SPAG9: variants seen among roughly 807,000 people sequenced by gnomAD.
SPAG9 encodes C-Jun-amino-terminal kinase-interacting protein 4.
In SPAG9, 35 loss-of-function variants were observed where a neutral mutation model predicts 166.5. The observed-to-expected ratio is 0.21, with a 90% CI of 0.16 to 0.28. The LOEUF (loss-of-function observed/expected upper bound fraction) is 0.28. SPAG9 is among the 10% of genes least tolerant of loss of function. The pLI is 1.00. For synonymous variants in SPAG9, 534 were observed against 565.5 expected (o/e 0.94, Z 0.79); for missense variants, 1,235 against 1,603.3 (o/e 0.77, Z 3.92).
At chr17:51,106,472 C>T (rs2048954296) in intron 1 of SPAG9, among the ~76,000 whole-genome samples, 1 of 152,102 alleles carries the variant, frequency 6.6e-6, no homozygotes, top group Non-Finnish European at 1.5e-5. Flanking sequence ...TTGTCTGTTT[C>T]ATTAGTGGCT....
At chr17:51,053,853 A>ATATATAT (rs2047260847) in intron 3 of SPAG9, among the ~76,000 whole-genome samples, 5 of 56,148 alleles carry the variant, frequency 8.9e-5, no homozygotes, top group East Asian at 4.9e-4. Flanking sequence ...AAAAAAAAAA[A>ATATATAT]AGTATATATA....
At chr17:51,019,482 G>T (rs1445491585) in intron 8 of SPAG9, among the ~76,000 whole-genome samples, 1 of 152,164 alleles carries the variant, frequency 6.6e-6, no homozygotes, top group Admixed American at 6.5e-5. Flanking sequence ...ACCTGACCCT[G>T]GGAGGCAGAG....
At chr17:50,971,084 G>A (rs1394135664) in intron 28 of SPAG9, among the ~76,000 whole-genome samples, 1 of 152,086 alleles carries the variant, frequency 6.6e-6, no homozygotes, top group Non-Finnish European at 1.5e-5. Context: ...AGGCCGAAGT[G>A]GGAGAATCAC....
chr17:51,081,525 C>T (rs1218250630), intron 1 of SPAG9, among the ~76,000 whole-genome samples: 1 of 151,972 alleles, frequency 6.6e-6, no homozygotes, highest in Non-Finnish European at 1.5e-5. Context: ...GAGCAGATCA[C>T]CTGAGGTCAG....
chr17:51,005,571 C>T (rs2045176404), intron 11 of SPAG9, among the ~76,000 whole-genome samples: 1 of 152,248 alleles, frequency 6.6e-6, no homozygotes, highest in South Asian at 2.1e-4. Context: ...AATATTTAGG[C>T]CGGGTGCAGT....
Position 51,041,610 on chromosome 17 carries a change from G to A in SPAG9, c.632C>T (p.Ala211Val). Residue 211 changes from alanine (A) to valine (V), a missense_variant, in exon 5 of 30, where the codon GCT (alanine) becomes GTT (valine). By Grantham distance (64) the Ala-to-Val change is moderately conservative (BLOSUM62 0). Around this residue, in one of 6 missense-constraint regions of SPAG9, gnomAD observed 288 missense variants for 323.7 expected, o/e 0.89. Coordinates refer to ENST00000262013, the MANE Select transcript of SPAG9 (RefSeq NM_001130528.3). ...ATCAGGTGTAAGCAATCCATCTCCA[G>A]CAGGTAATGGGAAAATTCCTAATGA... ...PISLGIFPLPAGDGLLTPDAQ... is the reference protein window; with the variant it reads ...PISLGIFPLPVGDGLLTPDAQ... 1.2e-6 allele frequency: 2 copies of A among 1,613,908 alleles called. No individual in the cohort carries two copies. The highest frequency in any genetic ancestry group is 2.2e-5 in the South Asian group (2 of 91,080).
chr17:51,077,073 T>TCTAGCTATCTAGCTAGCTATCTAG (rs1245917886), intron 2 of SPAG9, among the ~76,000 whole-genome samples: 33 of 116,044 alleles, frequency 2.8e-4, no homozygotes, highest in Admixed American at 1.6e-3. Context: ...TAGCTAGCTA[T>TCTAGCTATCTAGCTAGCTATCTAG]CTAGCTATCT....
At chr17:51,083,075 G>C (rs1481565888) in intron 1 of SPAG9, among the ~76,000 whole-genome samples, 1 of 152,000 alleles carries the variant, frequency 6.6e-6, no homozygotes, top group Non-Finnish European at 1.5e-5. Flanking sequence ...AGCCAATATA[G>C]AGAAAAAGAG....
rs11329853 is a variant in SPAG9 at position 51,113,679 on chromosome 17, C to CA, written c.303+6674dup. The stretch of plus-strand genomic sequence containing the variant: ...TGGGTGGCAAAGCAAGACCCCATCT[C>CA]AAAAAAAAAAAAAACAACAACAACA... On this transcript the variant is annotated intron_variant, in intron 1 of 29. Coordinates refer to ENST00000262013, the MANE Select transcript of SPAG9 (RefSeq NM_001130528.3). Among the ~76,000 whole-genome samples the CA allele has an allele frequency of 5.5e-3, 711 of 128,810 alleles. 2 individuals carry two copies. Among genetic ancestry groups the CA allele is most frequent in the Middle Eastern group, 0.014 (3 of 218 alleles). 84.5% of individuals were successfully genotyped at this position (128,810 alleles called of 152,430 possible).
chr17:51,072,951 G>C (rs1313806717), intron 2 of SPAG9, among the ~76,000 whole-genome samples: 2 of 152,088 alleles, frequency 1.3e-5, no homozygotes, highest in African/African-American at 2.4e-5. Flanking sequence ...TAACATGAGA[G>C]AGATCAAAGC....
At chr17:51,013,692 G>A (rs1194192513) in intron 9 of SPAG9, among the ~76,000 whole-genome samples, 1 of 152,108 alleles carries the variant, frequency 6.6e-6, no homozygotes, top group Non-Finnish European at 1.5e-5. Flanking sequence ...AGAGCCAAAT[G>A]CAATATTCTT....
At chr17:51,043,051 G>A (rs1344016399) in intron 4 of SPAG9, among the ~76,000 whole-genome samples, 1 of 152,068 alleles carries the variant, frequency 6.6e-6, no homozygotes, top group Non-Finnish European at 1.5e-5. Context: ...CACCACGTCT[G>A]GCTAATTTTT....
chr17:51,043,203 T>G (rs147986388), intron 4 of SPAG9, among the ~76,000 whole-genome samples: 129 of 152,232 alleles, frequency 8.5e-4, no homozygotes, highest in African/African-American at 3.0e-3. Context: ...AGGGTAAATT[T>G]TAACACCAAA....
At chr17:51,104,845 A>C (rs561770989) in intron 1 of SPAG9, among the ~76,000 whole-genome samples, 1 of 150,520 alleles carries the variant, frequency 6.6e-6, no homozygotes, top group East Asian at 2.0e-4. Context: ...AGGCAGGAGA[A>C]TGGCGTGAAC....
chr17:51,021,484 G>A, intron 6 of SPAG9, 119 bp from the exon 7 acceptor site: 1 of 751,586 alleles, frequency 1.3e-6, no homozygotes, highest in Non-Finnish European at 2.1e-6. Flanking sequence ...CAAAATAAAG[G>A]CAATAAAGAG....
Position 51,102,282 on chromosome 17 carries a change from T to C in SPAG9, c.303+18072A>G, listed in dbSNP as rs943128673. ...AGCCAGGCATGGTGGCACACGCCTG[T>C]AGTCCCAGCTACTTGGAAGGCTGAG... On this transcript the variant is annotated intron_variant, in intron 1 of 29. Coordinates refer to ENST00000262013, the MANE Select transcript of SPAG9 (RefSeq NM_001130528.3). Among the ~76,000 whole-genome samples the C allele has an allele frequency of 4.0e-5, 6 of 151,690 alleles. No individual in the cohort carries two copies. The South Asian group carries it at 1.2e-3, about 31-fold the overall frequency.
intron 9 of SPAG9, among the ~76,000 whole-genome samples, chr17:51,009,414 A>G (rs1051332438): frequency 2.0e-5 from 3 of 152,188 alleles, no homozygotes; most frequent in African/African-American, 7.2e-5. Context: ...ATAATTCTGT[A>G]AACTGGAGGG....
chr17:51,072,613 G>T (rs929710625), intron 2 of SPAG9, among the ~76,000 whole-genome samples: 1 of 151,936 alleles, frequency 6.6e-6, no homozygotes. Context: ...GAACCTGGGA[G>T]GCGGAAGTTG....
At chr17:51,005,321 A>C (rs750740713) in intron 11 of SPAG9, 58 bp from the exon 12 acceptor site, 165 of 1,527,866 alleles carry the variant, frequency 1.1e-4, no homozygotes, top group Non-Finnish European at 1.4e-4. Flanking sequence ...TCTTTTCAAA[A>C]AAATAAGAGT....
Sources: allele counts gnomAD v4.1 joint callset (sites outside exome capture counted in the v4.1 genomes callset), GRCh38; gene constraint gnomAD v4.1.1; regional missense constraint gnomAD v4.1.1; transcripts MANE v1.5; gene names NCBI Gene and HGNC (gene_info 2026-07-23, HGNC 2026-07-21).